The following MTMR8 variants were observed in gnomAD, a reference collection of about 807,000 sequenced individuals.
MTMR8 encodes the protein phosphatidylinositol-3,5-bisphosphate 3-phosphatase MTMR8.
MTMR8 carries 65 observed loss-of-function variants against 39.3 expected under a neutral mutation model. The ratio of observed to expected loss-of-function variants is 1.65; its 90% CI spans 1.35 to 2.03. MTMR8 has a LOEUF of 2.03. Ranked by LOEUF, MTMR8 falls within the 30% of genes most tolerant of loss-of-function variation. The probability of loss-of-function intolerance (pLI) is 0.00; values close to 1 mark genes in which losing one functional copy is unlikely to be tolerated. For missense variants in MTMR8, 777 were observed against 538.9 expected (o/e 1.44, Z -4.37); for synonymous variants, 245 against 185.2 (o/e 1.32, Z -2.62).
chrX:64,317,333 A>T (rs181337848), intron 12 of MTMR8, among the ~76,000 whole-genome samples: 2 of 110,540 alleles, frequency 1.8e-5, no homozygotes, highest in African/African-American at 6.6e-5. Flanking sequence ...CCAATTATAC[A>T]AGTGTTAGAA....
rs569640329 is a variant in MTMR8, at chrX:64,376,982, C to T, written c.25-17455G>A. Among the ~76,000 whole-genome samples, 5 of 111,844 alleles carry T rather than the reference C, an allele frequency of 4.5e-5. No homozygotes were observed. In the South Asian group the frequency reaches 1.5e-3, roughly 34 times the overall value. On this transcript the variant is annotated intron_variant, in intron 1 of 13. Coordinates refer to ENST00000374852, the MANE Select transcript of MTMR8 (RefSeq NM_017677.4). ...GCCATGGCTAAAAGAACCCCAGATACGTCTCAGGATGCTGCTCCAGAGAGT... is the reference window on the plus strand; with the variant it reads ...GCCATGGCTAAAAGAACCCCAGATATGTCTCAGGATGCTGCTCCAGAGAGT...
intron 2 of MTMR8, among the ~76,000 whole-genome samples, chrX:64,357,600 T>G (rs1923660162): frequency 9.0e-6 from 1 of 110,559 alleles, no homozygotes; most frequent in African/African-American, 3.3e-5. Flanking sequence ...GCTAATTTTT[T>G]TAACTTTTGT....
chrX:64,349,812 G>A (rs1327555680), intron 5 of MTMR8, 130 bp downstream of exon 5: 24 of 456,235 alleles, frequency 5.3e-5, no homozygotes. Context: ...AAAACCTTCA[G>A]AAGTATGAAA....
At position 64,268,804 on chromosome X, in the gene MTMR8, C is replaced by T. The variant is rs899395236; in HGVS notation, c.1848G>A (p.Val616=). ...AGATATTTATGGCCCTAAGGCTGCCCACAATCTCACAACAGTTATGGTGGA... is the reference window on the plus strand; with the variant it reads ...AGATATTTATGGCCCTAAGGCTGCCTACAATCTCACAACAGTTATGGTGGA... ...ADLHHNCCEI[V]GSLRAINISG... The change falls in exon 14 of 14, where the codon GTG becomes GTA. Residue 616 remains valine (V), a synonymous_variant. Transcript: ENST00000374852. The T allele has an allele frequency of 7.4e-6, 9 of 1,209,616 alleles. No homozygotes were observed. The Admixed American group carries it at 1.5e-4, about 21-fold the overall frequency.
chrX:64,282,393 G>A (rs993285752), intron 12 of MTMR8, among the ~76,000 whole-genome samples: 8 of 110,775 alleles, frequency 7.2e-5, no homozygotes, highest in Non-Finnish European at 5.7e-5. Flanking sequence ...CATCATGTGG[G>A]GCTTAATACC....
chrX:64,350,099 A>ATAT lies in MTMR8; in HGVS notation c.469-30_469-29insATA, dbSNP rs757224798. The stretch of plus-strand genomic sequence containing the variant: ...AAAGAAAATAAGCACAATATATATA[A>ATAT]ATATATATTTATACATTTATATATA... On this transcript the variant is annotated intron_variant, in intron 4 of 13. Transcript: ENST00000374852. The ATAT allele has an allele frequency of 4.6e-4, 389 of 845,610 alleles. 1 individual carries two copies. In the African/African-American group the frequency reaches 8.3e-3, roughly 18 times the overall value. 69.7% of individuals were successfully genotyped at this position (845,610 alleles called of 1,213,427 possible).
intron 1 of MTMR8, among the ~76,000 whole-genome samples, chrX:64,364,062 G>C (rs1468468611): frequency 1.8e-5 from 2 of 112,523 alleles, no homozygotes; most frequent in East Asian, 2.8e-4. Context: ...GCTGAGGCTT[G>C]AGTAGGTAAA....
rs1419513033 is a variant in MTMR8, at chrX:64,377,265, G to A, written c.25-17738C>T. 3.6e-5 allele frequency among the ~76,000 whole-genome samples: 4 copies of A among 111,882 alleles called. No homozygotes were observed. The Admixed American group carries it at 3.8e-4, about 11-fold the overall frequency. On this transcript the variant is annotated intron_variant, in intron 1 of 13. Coordinates refer to ENST00000374852, the MANE Select transcript of MTMR8 (RefSeq NM_017677.4). ...TGCCTAGTGGAGCTGTGAGAAGAGG[G>A]CCACCATCCTCCAGACCCCAGAATG...
In MTMR8 at chrX:64,268,740, C is replaced by T. The variant is rs1264177573; in HGVS notation, c.1912G>A (p.Gly638Arg). Residue 638 changes from glycine (G) to arginine (R), a missense_variant, in exon 14 of 14, where the codon GGA becomes AGA. By Grantham distance (125) the Gly-to-Arg change is moderately radical. Transcript: ENST00000374852. Reference sequence around the variant, plus strand: ...GTAGCCTCAAAGGTGCACATGTCTCCAGAGATGCCCATGGCCTCAGAGATG... The same window carrying T: ...GTAGCCTCAAAGGTGCACATGTCTCTAGAGATGCCCATGGCCTCAGAGATG... ...VGISEAMGIS[G>R]DMCTFEATGF... is the part of the protein sequence containing the mutation. The T allele has an allele frequency of 1.7e-6, 2 of 1,211,704 alleles. No individual in the cohort carries two copies. Among genetic ancestry groups the T allele is most frequent in the South Asian group, 1.8e-5 (1 of 56,956 alleles).
intron 12 of MTMR8, among the ~76,000 whole-genome samples, chrX:64,311,343 GTTTT>G (rs894010716): frequency 1.8e-5 from 2 of 109,386 alleles, no homozygotes; most frequent in African/African-American, 6.6e-5. Context: ...TTTTGATGGG[GTTTT>G]TTTTTCTTGT....
intron 12 of MTMR8, among the ~76,000 whole-genome samples, chrX:64,322,198 A>G (rs1922668759): frequency 9.2e-6 from 1 of 109,090 alleles, no homozygotes; most frequent in South Asian, 4.0e-4. Context: ...AGGTCTCACT[A>G]TGTTGCCCAG....
intron 6 of MTMR8, 43 bp from the exon 7 acceptor site, chrX:64,345,220 T>G (rs769860753): frequency 1.7e-6 from 2 of 1,178,550 alleles, no homozygotes; most frequent in Admixed American, 4.5e-5. Flanking sequence ...GGCCAGATGA[T>G]GAAAGAATGG....
chrX:64,380,606 T>C (rs1300271681), intron 1 of MTMR8, among the ~76,000 whole-genome samples: 1 of 112,741 alleles, frequency 8.9e-6, no homozygotes, highest in Non-Finnish European at 1.9e-5. Flanking sequence ...TATTTTTTCA[T>C]ATTATACTTT....
chrX:64,366,885 G>T (rs1296109313), intron 1 of MTMR8, among the ~76,000 whole-genome samples: 2 of 110,656 alleles, frequency 1.8e-5, no homozygotes, highest in African/African-American at 6.6e-5. Context: ...GAAGAGAGAA[G>T]AATCAAATAG....
chrX:64,286,259 T>G (rs2147134886), intron 12 of MTMR8, among the ~76,000 whole-genome samples: 1 of 111,701 alleles, frequency 9.0e-6, no homozygotes, highest in Admixed American at 9.5e-5. Flanking sequence ...ACATACACCC[T>G]CCCAAGAGCA....
Position 64,268,547 on chromosome X carries a change from T to C in MTMR8, c.2105A>G (p.Lys702Arg), listed in dbSNP as rs143972212. 3 of 1,203,099 alleles carry C rather than the reference T, an allele frequency of 2.5e-6. No individual in the cohort carries two copies. Among genetic ancestry groups the C allele is most frequent in the Non-Finnish European group, 3.4e-6 (3 of 892,484 alleles). ...KASTKEADYS[K>R]HQ ...AGATGAGTAACTAACTCACTGATGC[T>C]TGGAGTAGTCTGCCTCCTTGGTGCT... is the stretch of plus-strand genomic sequence containing the variant. The change falls in exon 14 of 14, where the codon AAG (lysine) becomes AGG (arginine). Residue 702 changes from lysine to arginine, a missense_variant. By Grantham distance (26) the Lys-to-Arg change is conservative (BLOSUM62 2). Transcript: ENST00000374852.
At chrX:64,286,451 A>G (rs1921179921) in intron 12 of MTMR8, among the ~76,000 whole-genome samples, 1 of 112,276 alleles carries the variant, frequency 8.9e-6, no homozygotes, top group South Asian at 3.7e-4. Context: ...AATGCTCCCT[A>G]ACTCATTTCA....
intron 1 of MTMR8, among the ~76,000 whole-genome samples, chrX:64,383,471 A>G (rs967382472): frequency 9.2e-6 from 1 of 108,918 alleles, no homozygotes; most frequent in African/African-American, 3.3e-5. Flanking sequence ...TACATAATTT[A>G]TTATATATTA....
chrX:64,393,571 G>T (rs187103845), intron 1 of MTMR8, among the ~76,000 whole-genome samples: 132 of 112,153 alleles, frequency 1.2e-3, no homozygotes, highest in African/African-American at 4.1e-3. Flanking sequence ...AAGTAACGTG[G>T]CCCAAGCTTA....
Sources: gnomAD v4.1 joint callset for allele counts (sites outside exome capture counted in the v4.1 genomes callset) on GRCh38, gnomAD v4.1.1 for gene constraint, MANE v1.5 for transcripts, NCBI Gene and HGNC (gene_info 2026-07-23, HGNC 2026-07-21) for gene names.